Variants in FHOD3 observed in about 807,000 individuals in gnomAD.
FHOD3 encodes FH1/FH2 domain-containing protein 3.
In FHOD3, 90 loss-of-function variants were observed where a neutral mutation model predicts 173.0. The observed-to-expected ratio is 0.52, with a 90% CI of 0.44 to 0.62. The LOEUF is 0.62. Ranked by LOEUF, FHOD3 falls within the 20% of genes least tolerant of loss-of-function variation. The probability of loss-of-function intolerance (pLI) is 0.00; values close to 1 mark genes in which losing one functional copy is unlikely to be tolerated. For missense variants in FHOD3, 1,945 were observed against 2,034.7 expected (o/e 0.96, Z 0.85); for synonymous variants, 828 against 823.0 (o/e 1.01, Z -0.10).
chr18:36,712,125 T>G (rs551058806), intron 18 of FHOD3, among the ~76,000 whole-genome samples: 43 of 152,324 alleles, frequency 2.8e-4, no homozygotes, highest in Admixed American at 3.3e-4. Flanking sequence ...AGCACCTGTA[T>G]GCTATACCTA....
In FHOD3 at chr18:36,510,474, G is replaced by A. The variant is rs2055572633; in HGVS notation, c.406-1964G>A. On this transcript the variant is annotated intron_variant, in intron 4 of 28. Coordinates refer to ENST00000590592, the MANE Select transcript of FHOD3 (RefSeq NM_001281740.3). ...TTATAAACACTGTCTCGCCTGTCCA[G>A]TGTTTTTTCCAAGTGCCTTTGCCAG... 2.6e-5 allele frequency among the ~76,000 whole-genome samples: 4 copies of A among 152,114 alleles called. No individual in the cohort carries two copies. In the South Asian group the frequency reaches 8.3e-4, roughly 32 times the overall value.
At chr18:36,374,095 G>A (rs558237820) in intron 3 of FHOD3, among the ~76,000 whole-genome samples, 20 of 152,332 alleles carry the variant, frequency 1.3e-4, no homozygotes, top group African/African-American at 4.8e-4. Context: ...AGACTTGCAT[G>A]AAAATGAGCT....
chr18:36,502,714 A>G lies in FHOD3; in HGVS notation c.405+715A>G, dbSNP rs141544232. Among the ~76,000 whole-genome samples, 222 of 152,306 alleles carry G rather than the reference A, an allele frequency of 1.5e-3. 2 individuals are homozygous for G. The highest frequency in any genetic ancestry group is 5.1e-3 in the African/African-American group (211 of 41,566). ...AGTGCTGCAATAAACATACATGTGC[A>G]AAGCCTATTAGAGGTATAACTGAAG... On this transcript the variant is annotated intron_variant, in intron 4 of 28. Coordinates refer to ENST00000590592, the MANE Select transcript of FHOD3 (RefSeq NM_001281740.3).
chr18:36,486,631 A>G (rs1343755186), intron 3 of FHOD3, among the ~76,000 whole-genome samples: 1 of 152,264 alleles, frequency 6.6e-6, no homozygotes, highest in Admixed American at 6.5e-5. Flanking sequence ...AGTTAGAACT[A>G]AAACTGAATT....
At chr18:36,407,487 A>T (rs1408057106) in intron 3 of FHOD3, among the ~76,000 whole-genome samples, 1 of 152,180 alleles carries the variant, frequency 6.6e-6, no homozygotes, top group East Asian at 1.9e-4. Flanking sequence ...TCACGATTTC[A>T]GTTTAACCCA....
chr18:36,760,560 C>G, intron 26 of FHOD3, 48 bp from the exon 27 acceptor site: 3 of 1,474,160 alleles, frequency 2.0e-6, no homozygotes, highest in Non-Finnish European at 2.7e-6. Flanking sequence ...CTTGAGTTGT[C>G]TTTTTGGGGA....
chr18:36,619,017 G>C (rs1351947050), intron 9 of FHOD3, among the ~76,000 whole-genome samples: 1 of 152,116 alleles, frequency 6.6e-6, no homozygotes, highest in Non-Finnish European at 1.5e-5. Flanking sequence ...GCAGCCTTGG[G>C]GGCTCATCGC....
intron 2 of FHOD3, among the ~76,000 whole-genome samples, chr18:36,358,510 A>G (rs2046463438): frequency 6.6e-6 from 1 of 152,116 alleles, no homozygotes; most frequent in South Asian, 2.1e-4. Flanking sequence ...GAGTCCATCC[A>G]ATAGGTAGAG....
chr18:36,432,521 C>T (rs554740758), intron 3 of FHOD3, among the ~76,000 whole-genome samples: 113 of 152,162 alleles, frequency 7.4e-4, no homozygotes, highest in Non-Finnish European at 1.4e-3. Flanking sequence ...GACCAGCAGG[C>T]TTCTAGAATG....
At chr18:36,437,077 T>C (rs1234842454) in intron 3 of FHOD3, among the ~76,000 whole-genome samples, 2 of 152,208 alleles carry the variant, frequency 1.3e-5, no homozygotes, top group Non-Finnish European at 2.9e-5. Context: ...TGGTATATGA[T>C]GTTTTTTCTC....
At chr18:36,425,746 T>C (rs2050208283) in intron 3 of FHOD3, among the ~76,000 whole-genome samples, 1 of 152,190 alleles carries the variant, frequency 6.6e-6, no homozygotes, top group Admixed American at 6.5e-5. Context: ...AATATATGTA[T>C]ATGGTTAATG....
chr18:36,715,980 G>A (rs932799356), intron 18 of FHOD3, among the ~76,000 whole-genome samples: 3 of 152,212 alleles, frequency 2.0e-5, no homozygotes, highest in African/African-American at 7.2e-5. Context: ...AGGTTTATGG[G>A]CATGTGTGTC....
intron 2 of FHOD3, among the ~76,000 whole-genome samples, chr18:36,357,663 C>T (rs2046422965): frequency 6.6e-6 from 1 of 152,174 alleles, no homozygotes; most frequent in African/African-American, 2.4e-5. Context: ...TGGGGATGTT[C>T]CATTGCAATA....
intron 3 of FHOD3, among the ~76,000 whole-genome samples, chr18:36,437,818 C>T (rs144688109): frequency 1.3e-5 from 2 of 152,192 alleles, no homozygotes; most frequent in East Asian, 3.9e-4. Flanking sequence ...CACGTGCCAC[C>T]ACAGCCAGCT....
At chr18:36,470,330 T>A (rs1258634121) in intron 3 of FHOD3, among the ~76,000 whole-genome samples, 1 of 152,244 alleles carries the variant, frequency 6.6e-6, no homozygotes, top group Non-Finnish European at 1.5e-5. Flanking sequence ...ATAGTCTCCC[T>A]GGCCTCAGTT....
chr18:36,685,281 C>T (rs1345630494), intron 15 of FHOD3, among the ~76,000 whole-genome samples: 1 of 152,156 alleles, frequency 6.6e-6, no homozygotes, highest in African/African-American at 2.4e-5. Context: ...CAAAATGGCC[C>T]TCCTCCACTC....
intron 3 of FHOD3, among the ~76,000 whole-genome samples, chr18:36,407,109 C>T (rs1410533638): frequency 6.6e-6 from 1 of 152,184 alleles, no homozygotes; most frequent in Non-Finnish European, 1.5e-5. Context: ...AGTCTTTGCT[C>T]ACCTCTCAGT....
intron 2 of FHOD3, among the ~76,000 whole-genome samples, chr18:36,371,330 G>A (rs1261670333): frequency 6.6e-6 from 1 of 152,232 alleles, no homozygotes; most frequent in Non-Finnish European, 1.5e-5. Context: ...AGAAAAAGAA[G>A]TTTAATGGAC....
At chr18:36,351,329 G>A (rs1018984970) in intron 1 of FHOD3, among the ~76,000 whole-genome samples, 2 of 152,192 alleles carry the variant, frequency 1.3e-5, no homozygotes, top group Admixed American at 6.5e-5. Flanking sequence ...GACATCTGGC[G>A]TAGGAGGTAA....
Sources: gnomAD v4.1 joint callset for allele counts (sites outside exome capture counted in the v4.1 genomes callset) on GRCh38, gnomAD v4.1.1 for gene constraint, MANE v1.5 for transcripts, NCBI Gene and HGNC (gene_info 2026-07-23, HGNC 2026-07-21) for gene names.